The following ITIH6 variants were observed in gnomAD, a reference collection of about 807,000 sequenced individuals.
The protein encoded by ITIH6 is inter-alpha-trypsin inhibitor heavy chain family member 6, also known as inter-alpha-trypsin inhibitor heavy chain H6.
Under a neutral mutation model 58.2 loss-of-function variants are expected in ITIH6, and 60 were observed. The ratio of observed to expected loss-of-function variants is 1.03; its 90% confidence interval spans 0.84 to 1.28. The LOEUF is 1.28. Among genes scored for constraint, ITIH6 ranks in the 50% most tolerant of loss-of-function variants. The probability of loss-of-function intolerance (pLI) is 0.00; values close to 1 mark genes in which losing one functional copy is unlikely to be tolerated. For synonymous variants in ITIH6, 493 were observed against 417.4 expected, an observed-to-expected ratio of 1.18 and a Z score of -2.21; for missense variants, 1,290 against 1,021.1, an observed-to-expected ratio of 1.26 and a Z score of -3.59.
At position 54,794,045 on chromosome X, in the gene ITIH6, C is replaced by G. The variant is rs756128937; in HGVS notation, c.258-2009G>C. Among the ~76,000 whole-genome samples, 88 of 111,525 alleles carry G rather than the reference C, an allele frequency of 7.9e-4. 1 individual carries two copies. Among genetic ancestry groups the G allele is most frequent in the African/African-American group, 2.7e-3 (84 of 30,636 alleles). ...TCAGGAAGTTGCTTGACCAAGGCAG[C>G]AGCTTCCAGGAGCACTGGGGGAAGA... On this transcript the variant is annotated intron_variant, in intron 2 of 12. Coordinates refer to ENST00000218436, the MANE Select transcript of ITIH6 (RefSeq NM_198510.3).
rs755911293 is a variant in ITIH6 at position 54,796,554 on chromosome X, T to G, written c.257+388A>C. On this transcript the variant is annotated intron_variant, in intron 2 of 12. Transcript: ENST00000218436. ...AAAAAATTAGCCGGGTGTGGTGGCA[T>G]GCGCCTGTAGTCCCAGCTACTTGGG... 1.9e-4 allele frequency among the ~76,000 whole-genome samples: 21 copies of G among 109,864 alleles called. No individual in the cohort carries two copies. In the East Asian group the frequency reaches 3.4e-3, roughly 18 times the overall value.
At chrX:54,753,097 G>A (rs760234476) in intron 11 of ITIH6, among the ~76,000 whole-genome samples, 4 of 112,541 alleles carry the variant, frequency 3.6e-5, no homozygotes, top group Non-Finnish European at 7.5e-5. Flanking sequence ...CATCAAACAA[G>A]GGCAATTTTT....
In ITIH6 at chrX:54,760,013, A is replaced by G. The variant is rs1928602813; in HGVS notation, c.904-86T>C. ...GGCTTTTTCTACACAAGGCATTAAC[A>G]TCTAAGTGTTATATGGTTTTAAGAC... On this transcript the variant is annotated intron_variant, in intron 6 of 12. Coordinates refer to ENST00000218436, the MANE Select transcript of ITIH6 (RefSeq NM_198510.3). The G allele has an allele frequency of 5.4e-6, 4 of 745,780 alleles. No homozygotes were observed. The South Asian group carries it at 7.7e-5, about 14-fold the overall frequency. 61.5% of individuals were successfully genotyped at this position (745,780 alleles called of 1,213,427 possible).
intron 6 of ITIH6, among the ~76,000 whole-genome samples, chrX:54,771,829 TA>T (rs976868366): frequency 9.1e-5 from 10 of 109,753 alleles, no homozygotes; most frequent in Middle Eastern, 4.6e-3. Flanking sequence ...ATTAAATAGT[TA>T]AAAAAAAACA....
At chrX:54,770,027 C>T (rs1161789601) in intron 6 of ITIH6, among the ~76,000 whole-genome samples, 11 of 111,489 alleles carry the variant, frequency 9.9e-5, no homozygotes, top group East Asian at 2.9e-4. Flanking sequence ...TAGCAATCAG[C>T]GAGATTCCGT....
At chrX:54,785,711 A>G (rs765407685) in intron 5 of ITIH6, among the ~76,000 whole-genome samples, 1 of 111,246 alleles carries the variant, frequency 9.0e-6, no homozygotes, top group Non-Finnish European at 1.9e-5. Flanking sequence ...AGTGCTTCCC[A>G]TTATTTGTCA....
chrX:54,773,933 C>A (rs1646255733), intron 6 of ITIH6, 148 bp downstream of exon 6: 1 of 299,979 alleles, frequency 3.3e-6, no homozygotes, highest in East Asian at 6.0e-5. Context: ...GGTAAGATAC[C>A]AGGACCCTAG....
At chrX:54,780,882 A>G in intron 5 of ITIH6, among the ~76,000 whole-genome samples, 1 of 111,602 alleles carries the variant, frequency 9.0e-6, no homozygotes, top group Non-Finnish European at 1.9e-5. Flanking sequence ...ATGAGCAATT[A>G]TATGCCAATA....
intron 4 of ITIH6, among the ~76,000 whole-genome samples, chrX:54,789,640 G>C (rs769078262): frequency 8.9e-6 from 1 of 112,658 alleles, no homozygotes; most frequent in South Asian, 3.7e-4. Context: ...TGTGTCCCTG[G>C]ACAAGCGACT....
intron 6 of ITIH6, among the ~76,000 whole-genome samples, chrX:54,769,966 C>T (rs1210308948): frequency 1.8e-5 from 2 of 109,504 alleles, no homozygotes; most frequent in African/African-American, 6.6e-5. Flanking sequence ...TGGCGGGCGC[C>T]CCTCCCCCAG....
intron 2 of ITIH6, among the ~76,000 whole-genome samples, chrX:54,794,743 G>T (rs189480517): frequency 1.1e-3 from 118 of 111,216 alleles, no homozygotes; most frequent in South Asian, 5.3e-3. Flanking sequence ...CAACTAACAG[G>T]GACAAGCGGG....
chrX:54,757,371 T>TA lies in ITIH6; in HGVS notation c.2702dup (p.Ser902LysfsTer44). The TA allele has an allele frequency of 8.3e-7, 1 of 1,209,537 alleles. No individual in the cohort carries two copies. The highest frequency in any genetic ancestry group is 1.1e-6 in the Non-Finnish European group (1 of 894,463). On this transcript the variant is annotated frameshift_variant, in exon 8 of 13. Transcript: ENST00000218436. LOFTEE classifies it high-confidence loss of function. ...TTGAGATTGTATTTGGGAATGTGCT[T>TA]AGGCTCTCAGGAAGTGGGGGCCTTG...
At chrX:54,772,213 C>A (rs1224916628) in intron 6 of ITIH6, among the ~76,000 whole-genome samples, 1 of 112,206 alleles carries the variant, frequency 8.9e-6, no homozygotes, top group African/African-American at 3.2e-5. Context: ...GGGATGGGAA[C>A]TGGAGGCAAT....
At chrX:54,778,156 T>C (rs1259850063) in intron 5 of ITIH6, among the ~76,000 whole-genome samples, 1 of 109,650 alleles carries the variant, frequency 9.1e-6, no homozygotes, top group Non-Finnish European at 1.9e-5. Flanking sequence ...GCAGAAATTC[T>C]GGAAAATGCA....
At chrX:54,771,324 T>C (rs1280562961) in intron 6 of ITIH6, among the ~76,000 whole-genome samples, 1 of 112,240 alleles carries the variant, frequency 8.9e-6, no homozygotes, top group Non-Finnish European at 1.9e-5. Flanking sequence ...ATGATGCATA[T>C]GTAACACTTT....
At chrX:54,765,594 CTTTTTT>C (rs1178444249) in intron 6 of ITIH6, among the ~76,000 whole-genome samples, 1 of 79,211 alleles carries the variant, frequency 1.3e-5, no homozygotes, top group African/African-American at 4.5e-5. Flanking sequence ...TATTTCTTTT[CTTTTTT>C]TTTTTTTTTT....
chrX:54,781,182 G>T (rs1326599439), intron 5 of ITIH6, among the ~76,000 whole-genome samples: 6 of 111,845 alleles, frequency 5.4e-5, no homozygotes, highest in Non-Finnish European at 9.4e-5. Context: ...ATAGGAAAGG[G>T]CAAAGATTTC....
At position 54,751,197 on chromosome X, in the gene ITIH6, G is replaced by C. The variant is rs1020582408; in HGVS notation, c.3536C>G (p.Pro1179Arg). The stretch of plus-strand genomic sequence containing the variant: ...CAGCTGGGGCCTCTTCAGCAGGGCA[G>C]GTTGGTCCCAGGACAGGCGCAAGGT... ...EGTLRLSWDQ[P>R]ALLKRPQLEL... The change falls in exon 12 of 13, where the codon CCT (proline) becomes CGT (arginine). Residue 1179 changes from proline (P) to arginine (R), a missense_variant. By Grantham distance (103) the Pro-to-Arg change is moderately radical (BLOSUM62 -2). Transcript: ENST00000218436. 17 of 1,210,392 alleles carry C rather than the reference G, an allele frequency of 1.4e-5. No individual in the cohort carries two copies. Among genetic ancestry groups the C allele is most frequent in the Non-Finnish European group, 1.9e-5 (17 of 895,186 alleles).
At chrX:54,779,237 A>C (rs1929106951) in intron 5 of ITIH6, among the ~76,000 whole-genome samples, 1 of 112,081 alleles carries the variant, frequency 8.9e-6, no homozygotes. Flanking sequence ...AAAACACAAA[A>C]TATTATAACA....
Sources: gnomAD v4.1 joint callset for allele counts (sites outside exome capture counted in the v4.1 genomes callset) on GRCh38, gnomAD v4.1.1 for gene constraint, MANE v1.5 for transcripts, NCBI Gene and HGNC (gene_info 2026-07-23, HGNC 2026-07-21) for gene names.